Variants in KCNH7 observed in about 807,000 individuals in gnomAD.
The protein encoded by KCNH7 is voltage-gated inwardly rectifying potassium channel KCNH7.
In KCNH7, 49 loss-of-function variants were observed where a neutral mutation model predicts 120.8. The observed-to-expected ratio is 0.41, with a 90% confidence interval of 0.32 to 0.51. The LOEUF (loss-of-function observed/expected upper bound fraction) is 0.51, where lower values mean the gene tolerates loss of function less well. Ranked by LOEUF, KCNH7 falls within the 20% of genes least tolerant of loss-of-function variation. The pLI is 0.38. For missense variants in KCNH7, 1,097 were observed against 1,446.6 expected (o/e 0.76, Z 3.92); for synonymous variants, 547 against 516.1 (o/e 1.06, Z -0.81).
intron 14 of KCNH7, among the ~76,000 whole-genome samples, chr2:162,378,509 T>C (rs575991585): frequency 5.9e-5 from 9 of 152,324 alleles, no homozygotes; most frequent in Admixed American, 2.0e-4. Context: ...GCAAAACTCA[T>C]AGATGTGTTA....
intron 2 of KCNH7, among the ~76,000 whole-genome samples, chr2:162,633,514 C>A (rs1047558826): frequency 6.7e-6 from 1 of 149,948 alleles, no homozygotes; most frequent in African/African-American, 2.5e-5. Context: ...TATTTACTTT[C>A]TTTAAAGTTT....
At chr2:162,735,338 G>A (rs532223924) in intron 2 of KCNH7, among the ~76,000 whole-genome samples, 1 of 152,288 alleles carries the variant, frequency 6.6e-6, no homozygotes, top group South Asian at 2.1e-4. Flanking sequence ...ACATGACAAG[G>A]TTAAAATTAT....
At chr2:162,710,438 C>A (rs779223020) in intron 2 of KCNH7, among the ~76,000 whole-genome samples, 5 of 152,098 alleles carry the variant, frequency 3.3e-5, no homozygotes, top group African/African-American at 9.7e-5. Flanking sequence ...ACTGGCCCTG[C>A]GGAGAAGCTG....
intron 2 of KCNH7, among the ~76,000 whole-genome samples, chr2:162,695,031 G>T (rs1166107545): frequency 6.6e-6 from 1 of 152,134 alleles, no homozygotes; most frequent in African/African-American, 2.4e-5. Context: ...GTGAGAAAGT[G>T]CTGGGATTGC....
chr2:162,403,138 T>G (rs1687112702), intron 9 of KCNH7, among the ~76,000 whole-genome samples: 1 of 151,980 alleles, frequency 6.6e-6, no homozygotes, highest in African/African-American at 2.4e-5. Flanking sequence ...ACTTTGGACT[T>G]CCTCTGTCTT....
chr2:162,460,750 G>A (rs958466674), intron 6 of KCNH7, among the ~76,000 whole-genome samples: 1 of 152,136 alleles, frequency 6.6e-6, no homozygotes, highest in East Asian at 1.9e-4. Flanking sequence ...AAGCCACCTA[G>A]TTCATGGTAG....
chr2:162,427,353 T>C (rs1558939166), intron 8 of KCNH7, among the ~76,000 whole-genome samples: 1 of 152,106 alleles, frequency 6.6e-6, no homozygotes, highest in Non-Finnish European at 1.5e-5. Context: ...ATACTATTTG[T>C]TCCATATCCT....
rs993017523 is a variant in KCNH7, at chr2:162,384,668, G to A, written c.2962+20C>T. The A allele has an allele frequency of 1.9e-6, 3 of 1,609,690 alleles. No individual in the cohort carries two copies. The highest frequency in any genetic ancestry group is 2.5e-6 in the Non-Finnish European group (3 of 1,177,412). On this transcript the variant is annotated intron_variant, in intron 13 of 15. Coordinates refer to ENST00000332142, the MANE Select transcript of KCNH7 (RefSeq NM_033272.4). ...GATTAGCACTGAAGAGAGACCACCT[G>A]ATGTCTAACTCTGGATTACCTTTGC... is the stretch of plus-strand genomic sequence containing the variant.
At chr2:162,783,107 C>A (rs753793660) in intron 2 of KCNH7, among the ~76,000 whole-genome samples, 1 of 152,160 alleles carries the variant, frequency 6.6e-6, no homozygotes, top group Non-Finnish European at 1.5e-5. Context: ...TGTGGAGCCA[C>A]AAAGGTAATA....
chr2:162,739,727 G>T lies in KCNH7; in HGVS notation c.307+96810C>A, dbSNP rs1186928038. Among the ~76,000 whole-genome samples, 3 of 152,130 alleles carry T rather than the reference G, an allele frequency of 2.0e-5. No individual in the cohort carries two copies. The East Asian group carries it at 5.8e-4, about 29-fold the overall frequency. On this transcript the variant is annotated intron_variant, in intron 2 of 15. Coordinates refer to ENST00000332142, the MANE Select transcript of KCNH7 (RefSeq NM_033272.4). ...TCCATGTAGCTTGGTCTGGCCATAG[G>T]GGTGGTTAGAGTCCCAGGCCCCATA...
intron 2 of KCNH7, among the ~76,000 whole-genome samples, chr2:162,719,551 T>C (rs116809099): frequency 1.3e-5 from 2 of 152,044 alleles, no homozygotes; most frequent in African/African-American, 2.4e-5. Flanking sequence ...GTTTTTGTCA[T>C]GTTTTAGTGA....
chr2:162,371,952 C>T lies in KCNH7; in HGVS notation c.3468G>A (p.Leu1156=), dbSNP rs147843561. The change falls in exon 16 of 16, where the codon CTG becomes CTA. Residue 1156 remains leucine (L), a synonymous_variant. Transcript: ENST00000332142. ...QDSDLSLELH[L]RQRKTYVHPI... ...GATGAACGTAAGTTTTTCTTTGCCG[C>T]AGGTGAAGCTCTAAAGAGAGATCAC... 1.5e-5 allele frequency: 24 copies of T among 1,613,730 alleles called. No homozygotes were observed. The highest frequency in any genetic ancestry group is 1.9e-5 in the Non-Finnish European group (22 of 1,179,888).
intron 3 of KCNH7, among the ~76,000 whole-genome samples, chr2:162,522,652 T>C (rs1691572261): frequency 1.3e-5 from 2 of 151,908 alleles, no homozygotes; most frequent in Non-Finnish European, 2.9e-5. Flanking sequence ...ATAATTAAAA[T>C]AGATACTATT....
chr2:162,536,339 G>T (rs77231802), intron 3 of KCNH7, among the ~76,000 whole-genome samples: 1 of 151,858 alleles, frequency 6.6e-6, no homozygotes, highest in Non-Finnish European at 1.5e-5. Flanking sequence ...TAAATATATG[G>T]ACCTTACTCA....
intron 2 of KCNH7, among the ~76,000 whole-genome samples, chr2:162,757,061 G>GA (rs1688811177): frequency 6.6e-6 from 1 of 152,132 alleles, no homozygotes; most frequent in Non-Finnish European, 1.5e-5. Context: ...AGGTTACAAG[G>GA]AAAAAGAATC....
At chr2:162,505,941 G>A (rs181898810) in intron 5 of KCNH7, among the ~76,000 whole-genome samples, 33 of 151,916 alleles carry the variant, frequency 2.2e-4, no homozygotes, top group Non-Finnish European at 4.0e-4. Context: ...ATAATACTAA[G>A]AAATCAATGC....
At chr2:162,763,795 A>G (rs1222310209) in intron 2 of KCNH7, among the ~76,000 whole-genome samples, 1 of 148,080 alleles carries the variant, frequency 6.8e-6, no homozygotes, top group Non-Finnish European at 1.5e-5. Flanking sequence ...TTTTTTTACT[A>G]CTTATGCTTA....
chr2:162,491,780 AC>A (rs1478965861), intron 6 of KCNH7, among the ~76,000 whole-genome samples: 1 of 152,138 alleles, frequency 6.6e-6, no homozygotes, highest in Non-Finnish European at 1.5e-5. Context: ...AAGAGAAAGG[AC>A]CTAGGGATGC....
chr2:162,518,414 T>C (rs1456189708), intron 3 of KCNH7, among the ~76,000 whole-genome samples: 1 of 151,838 alleles, frequency 6.6e-6, no homozygotes, highest in Non-Finnish European at 1.5e-5. Flanking sequence ...AGTATTTTGA[T>C]GACATGAGAC....
Sources: allele counts gnomAD v4.1 joint callset (sites outside exome capture counted in the v4.1 genomes callset), GRCh38; gene constraint gnomAD v4.1.1; transcripts MANE v1.5; gene names NCBI Gene and HGNC (gene_info 2026-07-23, HGNC 2026-07-21).